The following PHF7 variants were observed in gnomAD, a reference collection of about 807,000 sequenced individuals.
PHF7 encodes E3 ubiquitin-protein ligase PHF7.
In PHF7, 24 loss-of-function variants were observed where a neutral mutation model predicts 47.5. That is an observed-to-expected ratio of 0.51 (90% CI 0.37 to 0.71). The LOEUF is 0.71. Ranked by LOEUF, PHF7 falls within the 30% of genes least tolerant of loss-of-function variation. The pLI is 0.00. For synonymous variants in PHF7, 156 were observed against 153.8 expected (o/e 1.01, Z -0.11); for missense variants, 361 against 456.8 (o/e 0.79, Z 1.91).
At chr3:52,416,585 A>G (rs1325174292) in intron 4 of PHF7, among the ~76,000 whole-genome samples, 1 of 151,514 alleles carries the variant, frequency 6.6e-6, no homozygotes, top group Non-Finnish European at 1.5e-5. Flanking sequence ...CTGTAATCCC[A>G]GAACTTTGGG....
chr3:52,421,585 A>G, intron 7 of PHF7, 63 bp from the exon 8 acceptor site: 1 of 901,996 alleles, frequency 1.1e-6, no homozygotes. Flanking sequence ...TGAGGGTGGG[A>G]GGAGAAAGAA....
chr3:52,422,622 C>G (rs1705825298), intron 9 of PHF7, 138 bp from the exon 10 acceptor site: 1 of 901,678 alleles, frequency 1.1e-6, no homozygotes, highest in African/African-American at 1.6e-5. Context: ...CTTCTGGGAT[C>G]AGCACTCATC....
Position 52,414,373 on chromosome 3 carries a change from C to G in PHF7, c.95-123C>G, listed in dbSNP as rs559165371. 3.6e-5 allele frequency: 25 copies of G among 686,164 alleles called. No homozygotes were observed. The East Asian group carries it at 6.1e-4, about 17-fold the overall frequency. 42.5% of individuals were successfully genotyped at this position (686,164 alleles called of 1,614,324 possible). A position where few individuals can be genotyped will look rare whatever the true frequency, so the allele number is the denominator to read the frequency against. ...GACCTCATCCCAACCTTCCTCCTTG[C>G]CAAAATGACCCTTTTCCTAGTATTC... is the stretch of plus-strand genomic sequence containing the variant. On this transcript the variant is annotated intron_variant, in intron 3 of 10. Transcript: ENST00000327906.
intron 3 of PHF7, 92 bp from the exon 4 acceptor site, chr3:52,414,404 C>T: frequency 1.3e-6 from 1 of 783,848 alleles, no homozygotes. Context: ...TATTCTACTC[C>T]TTCCTGACTT....
intron 10 of PHF7, 71 bp downstream of exon 10, chr3:52,422,952 G>A: frequency 4.4e-6 from 7 of 1,599,148 alleles, no homozygotes; most frequent in Non-Finnish European, 6.0e-6. Context: ...CCTGGGAAAG[G>A]AGGAAGACAT....
rs777410617 is a variant in PHF7 at position 52,421,697 on chromosome 3, A to G, written c.623A>G (p.Asn208Ser). The change falls in exon 8 of 11, where the codon AAC becomes AGC. Residue 208 changes from asparagine (N) to serine (S), a missense_variant. By Grantham distance (46) the Asn-to-Ser change is conservative (BLOSUM62 1). Coordinates refer to ENST00000327906, the MANE Select transcript of PHF7 (RefSeq NM_016483.7). ...CATTTCTTCAAATGTCCACAGTGTAACAATCGAAAAGAGTTTCCTCAAGAA... is the reference window on the plus strand; with the variant it reads ...CATTTCTTCAAATGTCCACAGTGTAGCAATCGAAAAGAGTTTCCTCAAGAA... ...AKHFFKCPQC[N>S]NRKEFPQEML... 1 of 1,610,418 alleles carries G rather than the reference A, an allele frequency of 6.2e-7. No individual in the cohort carries two copies. The highest frequency in any genetic ancestry group is 8.5e-7 in the Non-Finnish European group (1 of 1,176,570).
Position 52,414,585 on chromosome 3 carries a change from C to T in PHF7, c.184C>T (p.Leu62Phe), listed in dbSNP as rs748166745. 3 of 1,595,398 alleles carry T rather than the reference C, an allele frequency of 1.9e-6. No homozygotes were observed. Among genetic ancestry groups the T allele is most frequent in the East Asian group, 2.2e-5 (1 of 44,596 alleles). Residue 62 changes from leucine (L) to phenylalanine (F), a missense_variant and splice_region_variant, in exon 4 of 11, where the codon CTT (leucine) becomes TTT (phenylalanine). Transcript: ENST00000327906. ...CAATATCAGCGTGCATTATTTCTGT[C>T]TTGTGAGTATGAGGCCTCCTTTGCT... ...KDNISVHYFCLILSSKLPQRG... is the reference protein window; with the variant it reads ...KDNISVHYFCFILSSKLPQRG...
chr3:52,418,850 C>T (rs1015305339), intron 4 of PHF7, among the ~76,000 whole-genome samples: 1 of 151,746 alleles, frequency 6.6e-6, no homozygotes, highest in Admixed American at 6.6e-5. Context: ...CTCTGTCGCC[C>T]AGGCTAGAGT....
At position 52,410,731 on chromosome 3, in the gene PHF7, A is replaced by G. The variant is rs1368828042; in HGVS notation, c.-586A>G. 6.6e-6 allele frequency: 1 copy of G among 152,518 alleles called. No individual in the cohort carries two copies. Among genetic ancestry groups the G allele is most frequent in the Non-Finnish European group, 1.5e-5 (1 of 68,080 alleles). 9.4% of individuals were successfully genotyped at this position (152,518 alleles called of 1,614,324 possible). A position where few individuals can be genotyped will look rare whatever the true frequency, so the allele number is the denominator to read the frequency against. On this transcript the variant is annotated 5_prime_UTR_variant, in exon 1 of 11. Transcript: ENST00000327906. ...GCTACCACGGCCTGTGTCAACGACTAAAGCTCCAGTACAGCGGCGCCCTCA... is the reference window on the plus strand; with the variant it reads ...GCTACCACGGCCTGTGTCAACGACTGAAGCTCCAGTACAGCGGCGCCCTCA...
rs1392475927 is a variant in PHF7 at position 52,412,936 on chromosome 3, A to G, written c.41+16A>G. The G allele has an allele frequency of 6.2e-7, 1 of 1,601,388 alleles. No homozygotes were observed. The highest frequency in any genetic ancestry group is 1.3e-5 in the African/African-American group (1 of 74,784). On this transcript the variant is annotated intron_variant, in intron 2 of 10. Transcript: ENST00000327906. ...AGAGATTGAGGTAGAAGTAGTTGAC[A>G]TAGGGAATTTGGGAGAAATTGTCCA...
chr3:52,412,785 T>C (rs1400364162), intron 1 of PHF7, 26 bp from the exon 2 acceptor site: 4 of 1,052,788 alleles, frequency 3.8e-6, no homozygotes, highest in Non-Finnish European at 5.7e-6. Context: ...ATTAAATTGC[T>C]TACCAAACCC....
intron 3 of PHF7, 98 bp from the exon 4 acceptor site, chr3:52,414,398 C>G: frequency 1.3e-6 from 1 of 756,048 alleles, no homozygotes; most frequent in Admixed American, 2.1e-5. Context: ...TCCTAGTATT[C>G]TACTCCTTCC....
intron 7 of PHF7, 144 bp downstream of exon 7, chr3:52,421,206 A>G (rs1455648559): frequency 1.4e-6 from 1 of 690,792 alleles, no homozygotes; most frequent in Non-Finnish European, 2.4e-6. Flanking sequence ...TCAGGCAGTT[A>G]GAGGAAAGTC....
intron 4 of PHF7, among the ~76,000 whole-genome samples, chr3:52,418,830 C>A (rs1303355163): frequency 2.0e-5 from 3 of 147,546 alleles, no homozygotes; most frequent in Non-Finnish European, 4.5e-5. Flanking sequence ...TTTTTTGAGA[C>A]GGAGTCTTGC....
At chr3:52,411,520 T>C (rs1411840385) in intron 1 of PHF7, among the ~76,000 whole-genome samples, 3 of 152,248 alleles carry the variant, frequency 2.0e-5, no homozygotes, top group Non-Finnish European at 2.9e-5. Flanking sequence ...GTCGTCCTTA[T>C]TCATGCAGAA....
chr3:52,421,006 G>C lies in PHF7; in HGVS notation c.517G>C (p.Glu173Gln). ...TGAAGACTTATCCCAACAGAGTGTT[G>C]AGAACATCCAGAGCCCGTGTTGTAG... ...CCEDLSQQSV[E>Q]NIQSPCCSQA... is the part of the protein sequence containing the mutation. The change falls in exon 7 of 11, where the codon GAG becomes CAG. Residue 173 changes from glutamate (E) to glutamine (Q), a missense_variant. By Grantham distance (29) the Glu-to-Gln change is conservative. Transcript: ENST00000327906. 6.2e-7 allele frequency: 1 copy of C among 1,613,680 alleles called. No homozygotes were observed. Among genetic ancestry groups the C allele is most frequent in the Non-Finnish European group, 8.5e-7 (1 of 1,179,790 alleles).
intron 7 of PHF7, 25 bp downstream of exon 7, chr3:52,421,087 C>A (rs778913949): frequency 6.3e-7 from 1 of 1,578,796 alleles, no homozygotes; most frequent in Admixed American, 1.8e-5. Context: ...GCCCTGGGTC[C>A]CTTCCACCAT....
chr3:52,419,486 G>A (rs1328066064), intron 4 of PHF7, among the ~76,000 whole-genome samples: 1 of 149,166 alleles, frequency 6.7e-6, no homozygotes, highest in Non-Finnish European at 1.5e-5. Context: ...CTGGAGTGCA[G>A]TGGCACGATC....
rs756334804 is a variant in PHF7 at position 52,420,352 on chromosome 3, C to T, written c.330C>T (p.Cys110=). ...AGAAAAAGGGAGCTGCTATCAACTG[C>T]CAGAAGGATCAGTGCCTCAGAAACT... ...VCKKKGAAIN[C]QKDQCLRNFH... The change falls in exon 6 of 11, where the codon TGC becomes TGT. Residue 110 remains cysteine (C), a synonymous_variant. Coordinates refer to ENST00000327906, the MANE Select transcript of PHF7 (RefSeq NM_016483.7). The T allele has an allele frequency of 9.9e-6, 16 of 1,613,692 alleles. No homozygotes were observed. The highest frequency in any genetic ancestry group is 1.4e-5 in the Non-Finnish European group (16 of 1,179,564).
Sources: gnomAD v4.1 joint callset for allele counts (sites outside exome capture counted in the v4.1 genomes callset) on GRCh38, gnomAD v4.1.1 for gene constraint, MANE v1.5 for transcripts, NCBI Gene and HGNC (gene_info 2026-07-23, HGNC 2026-07-21) for gene names.